The following RBFOX3 variants were observed in gnomAD, a reference collection of about 807,000 sequenced individuals.
The protein encoded by RBFOX3 is RNA binding protein fox-1 homolog 3.
A neutral mutation model predicts 48.7 loss-of-function variants in RBFOX3; 17 were observed. The observed-to-expected ratio is 0.35, with a 90% CI of 0.24 to 0.52. The LOEUF (loss-of-function observed/expected upper bound fraction) is 0.52. RBFOX3 is among the 20% of genes least tolerant of loss of function. RBFOX3 has a pLI of 0.94. For missense variants in RBFOX3, 382 were observed against 497.5 expected, an observed-to-expected ratio of 0.77 and a Z score of 2.21; for synonymous variants, 212 against 209.5, an observed-to-expected ratio of 1.01 and a Z score of -0.10.
At chr17:79,317,536 C>T (rs1315260682) in intron 2 of RBFOX3, among the ~76,000 whole-genome samples, 1 of 152,188 alleles carries the variant, frequency 6.6e-6, no homozygotes, top group Admixed American at 6.5e-5. Context: ...GAGTCCTGAG[C>T]AGGCACTGGC....
intron 3 of RBFOX3, among the ~76,000 whole-genome samples, chr17:79,261,968 T>G (rs1318871695): frequency 6.6e-6 from 1 of 152,226 alleles, no homozygotes; most frequent in East Asian, 1.9e-4. Flanking sequence ...GCAATATTAA[T>G]GCAGATTGCT....
chr17:79,340,612 T>C (rs962447087), intron 2 of RBFOX3, among the ~76,000 whole-genome samples: 1 of 152,218 alleles, frequency 6.6e-6, no homozygotes, highest in Non-Finnish European at 1.5e-5. Context: ...ACCCACATGC[T>C]TGATGAGCAT....
At chr17:79,624,682 G>A in the RBFOX3 span, among the ~76,000 whole-genome samples, 1 of 151,908 alleles carries the variant, frequency 6.6e-6, no homozygotes, top group Non-Finnish European at 1.5e-5. Flanking sequence ...GATGGCCAAG[G>A]TGCTTCGGCA....
intron 1 of RBFOX3, among the ~76,000 whole-genome samples, chr17:79,536,225 C>T (rs1205685703): frequency 2.0e-5 from 3 of 152,172 alleles, no homozygotes; most frequent in Non-Finnish European, 2.9e-5. Flanking sequence ...TACAGGTGTG[C>T]ACCACTACCA....
chr17:79,599,718 A>G (rs2093659165), intron 1 of RBFOX3: 2 of 152,226 alleles, frequency 1.3e-5, no homozygotes, highest in Admixed American at 6.5e-5. Context: ...AAGGGAGAAA[A>G]ATCCTAAATG....
At chr17:79,132,016 C>T (rs1226212774) in intron 4 of RBFOX3, among the ~76,000 whole-genome samples, 1 of 152,216 alleles carries the variant, frequency 6.6e-6, no homozygotes, top group Admixed American at 6.5e-5. Context: ...ACCAGCTTCA[C>T]CTCCACCTAC....
rs970124837 is a variant in RBFOX3 at position 79,556,561 on chromosome 17, T to C, written c.-320+54265A>G. ...GGAGGAGCTGTAACCACATCCAGAG[T>C]GGGTGGGGAGAGGAAATCAAGTACA... On this transcript the variant is annotated intron_variant, in intron 1 of 14. Transcript: ENST00000693108. Among the ~76,000 whole-genome samples the C allele has an allele frequency of 2.8e-4, 42 of 151,726 alleles. 1 individual carries two copies. The East Asian group carries it at 7.2e-3, about 26-fold the overall frequency.
intron 1 of RBFOX3, among the ~76,000 whole-genome samples, chr17:79,568,609 C>T (rs2144467668): frequency 1.3e-5 from 2 of 152,296 alleles, no homozygotes; most frequent in South Asian, 2.1e-4. Context: ...CAATGTTTCT[C>T]CAGTGCTGGG....
chr17:79,105,612 T>C (rs761167046), intron 6 of RBFOX3, among the ~76,000 whole-genome samples: 17 of 152,146 alleles, frequency 1.1e-4, no homozygotes, highest in Admixed American at 1.3e-4. Flanking sequence ...AGTGGACTTC[T>C]AGGGATCACG....
intron 2 of RBFOX3, among the ~76,000 whole-genome samples, chr17:79,404,746 C>T (rs1331523322): frequency 6.6e-6 from 1 of 152,200 alleles, no homozygotes; most frequent in Non-Finnish European, 1.5e-5. Flanking sequence ...TCCCTGTGGC[C>T]TGGTATGCTC....
chr17:79,125,942 G>A (rs1484757659), intron 4 of RBFOX3, among the ~76,000 whole-genome samples: 2 of 152,360 alleles, frequency 1.3e-5, no homozygotes, highest in East Asian at 3.9e-4. Flanking sequence ...CTGCCCAAGA[G>A]GTGAGTCCAC....
At position 79,090,816 on chromosome 17, in the gene RBFOX3, GT is replaced by G; in HGVS notation, c.*66del. 1 of 1,446,826 alleles carries G rather than the reference GT, an allele frequency of 6.9e-7. No homozygotes were observed. The highest frequency in any genetic ancestry group is 1.4e-5 in the South Asian group (1 of 73,698). 89.6% of individuals were successfully genotyped at this position (1,446,826 alleles called of 1,614,324 possible). A position where few individuals can be genotyped will look rare whatever the true frequency, so the allele number is the denominator to read the frequency against. On this transcript the variant is annotated 3_prime_UTR_variant, in exon 15 of 15. Coordinates refer to ENST00000693108, the MANE Select transcript of RBFOX3 (RefSeq NM_001350451.2). ...CTTAACATCTTTTTTTGTTTTTTTT[GT>G]TTTGTGATTTTTTTTGTTTTTTTGT...
chr17:79,468,575 GATGA>G (rs1160023433), intron 2 of RBFOX3, among the ~76,000 whole-genome samples: 22 of 150,606 alleles, frequency 1.5e-4, no homozygotes, highest in Admixed American at 9.2e-4. Context: ...CAGGAGGATG[GATGA>G]ATGAATGAAT....
chr17:79,167,318 C>T (rs947272473), intron 4 of RBFOX3, among the ~76,000 whole-genome samples: 1 of 149,772 alleles, frequency 6.7e-6, no homozygotes, highest in Non-Finnish European at 1.5e-5. Context: ...CTCTGGGGGG[C>T]CCCTTCTTCC....
chr17:79,150,375 C>T (rs1173475656), intron 4 of RBFOX3, among the ~76,000 whole-genome samples: 1 of 152,058 alleles, frequency 6.6e-6, no homozygotes, highest in Non-Finnish European at 1.5e-5. Flanking sequence ...CCTGGCCGTT[C>T]TCTGGGCTCT....
chr17:79,305,817 C>T (rs1002100339), intron 3 of RBFOX3, among the ~76,000 whole-genome samples: 5 of 152,350 alleles, frequency 3.3e-5, no homozygotes, highest in East Asian at 3.9e-4. Flanking sequence ...ATTCCCTCTC[C>T]GCTGTGGGCA....
intron 1 of RBFOX3, among the ~76,000 whole-genome samples, chr17:79,489,857 C>A (rs1598913093): frequency 2.0e-5 from 3 of 152,306 alleles, no homozygotes; most frequent in East Asian, 3.9e-4. Flanking sequence ...TTTTCCATCA[C>A]CCCAATTCCT....
At chr17:79,442,524 TG>T (rs1379354833) in intron 2 of RBFOX3, among the ~76,000 whole-genome samples, 1 of 151,748 alleles carries the variant, frequency 6.6e-6, no homozygotes, top group African/African-American at 2.4e-5. Flanking sequence ...GAGCTCCAAA[TG>T]GCGGTGGCTG....
At chr17:79,105,254 C>A (rs562032420) in intron 6 of RBFOX3, among the ~76,000 whole-genome samples, 1 of 152,292 alleles carries the variant, frequency 6.6e-6, no homozygotes, top group African/African-American at 2.4e-5. Flanking sequence ...CTGCAGGGAC[C>A]CAGGGAGCTG....
Sources: gnomAD v4.1 joint callset for allele counts (sites outside exome capture counted in the v4.1 genomes callset) on GRCh38, gnomAD v4.1.1 for gene constraint, MANE v1.5 for transcripts, NCBI Gene and HGNC (gene_info 2026-07-23, HGNC 2026-07-21) for gene names.